The following HSD17B3 variants were observed in gnomAD, a reference collection of about 807,000 sequenced individuals.
HSD17B3 encodes hydroxysteroid 17-beta dehydrogenase 3.
HSD17B3 carries 29 observed loss-of-function variants against 41.1 expected under a neutral mutation model. The observed-to-expected ratio is 0.71, with a 90% CI of 0.53 to 0.96. The LOEUF is 0.96. HSD17B3 is among the 40% of genes least tolerant of loss of function. The pLI is 0.00. For synonymous variants in HSD17B3, 126 were observed against 145.6 expected, an observed-to-expected ratio of 0.87 and a Z score of 0.97; for missense variants, 323 against 374.6, an observed-to-expected ratio of 0.86 and a Z score of 1.14.
rs768355659 is a variant in HSD17B3, at chr9:96,240,907, C to T, written c.673G>A (p.Val225Met). The T allele has an allele frequency of 5.6e-6, 9 of 1,614,132 alleles. No homozygotes were observed. The highest frequency in any genetic ancestry group is 7.6e-6 in the Non-Finnish European group (9 of 1,180,022). The change falls in exon 10 of 11, where the codon GTG (valine) becomes ATG (methionine). Residue 225 changes from valine to methionine, a missense_variant and splice_region_variant. Transcript: ENST00000375263. ...EYKAKEVIIQ[V>M]LTPYAVSTAM... ...GTCGAGACAGCATATGGGGTCAGCA[C>T]CTACAACGGGAAACAAAGACCATGG...
chr9:96,268,808 A>G (rs1432688133), intron 2 of HSD17B3, among the ~76,000 whole-genome samples: 1 of 152,056 alleles, frequency 6.6e-6, no homozygotes, highest in Non-Finnish European at 1.5e-5. Context: ...AATTAGCTGC[A>G]CGTGGTGGTG....
At position 96,235,481 on chromosome 9, in the gene HSD17B3, C is replaced by G. The variant is rs199951343; in HGVS notation, c.912G>C (p.Lys304Asn). ...LLLTHYVAYL[K>N]LNTKVR ...CTGGCTACCTGACCTTGGTGTTGAG[C>G]TTCAGGTATGCCACATAGTGTGTCA... The change falls in exon 11 of 11, where the codon AAG becomes AAC. Residue 304 changes from lysine to asparagine, a missense_variant. Transcript: ENST00000375263. 1 of 1,613,642 alleles carries G rather than the reference C, an allele frequency of 6.2e-7. No homozygotes were observed. The highest frequency in any genetic ancestry group is 8.5e-7 in the Non-Finnish European group (1 of 1,179,672).
At chr9:96,292,295 GGA>G (rs1474870533) in intron 2 of HSD17B3, among the ~76,000 whole-genome samples, 2 of 152,166 alleles carry the variant, frequency 1.3e-5, no homozygotes, top group Non-Finnish European at 2.9e-5. Flanking sequence ...AGTGTTACAA[GGA>G]GAGAAGAGGG....
At chr9:96,248,948 C>T (rs1836784113) in intron 6 of HSD17B3, among the ~76,000 whole-genome samples, 1 of 151,798 alleles carries the variant, frequency 6.6e-6, no homozygotes, top group African/African-American at 2.4e-5. Flanking sequence ...CTCTGTCGCC[C>T]AGGCTCGACT....
In HSD17B3 at chr9:96,240,809, A is replaced by C; in HGVS notation, c.771T>G (p.Asn257Lys). The change falls in exon 10 of 11, where the codon AAT (asparagine) becomes AAG (lysine). Residue 257 changes from asparagine to lysine, a missense_variant. Asn to Lys is a moderately conservative substitution (Grantham distance 94, BLOSUM62 0). Coordinates refer to ENST00000375263, the MANE Select transcript of HSD17B3 (RefSeq NM_000197.2). ...TADEFVKESL[N>K]YVTIGGETCG... Reference sequence around the variant, plus strand: ...AGGTTTCACCTCCAATTGTGACATAATTCAATGACTCTTTGACAAACTCAT... The same window carrying C: ...AGGTTTCACCTCCAATTGTGACATACTTCAATGACTCTTTGACAAACTCAT... The C allele has an allele frequency of 6.2e-7, 1 of 1,614,206 alleles. No individual in the cohort carries two copies. Among genetic ancestry groups the C allele is most frequent in the Non-Finnish European group, 8.5e-7 (1 of 1,180,026 alleles).
intron 2 of HSD17B3, among the ~76,000 whole-genome samples, chr9:96,278,192 G>C (rs1422371846): frequency 1.3e-5 from 2 of 152,086 alleles, no homozygotes; most frequent in Non-Finnish European, 2.9e-5. Context: ...AGTTAACATA[G>C]AACATAATTA....
chr9:96,238,799 C>T (rs189471217), intron 10 of HSD17B3, among the ~76,000 whole-genome samples: 25 of 152,208 alleles, frequency 1.6e-4, no homozygotes, highest in Admixed American at 5.9e-4. Context: ...TAAGGCCTGG[C>T]GCATGAAGGA....
chr9:96,297,190 T>C (rs1206500599), intron 2 of HSD17B3, among the ~76,000 whole-genome samples: 1 of 152,140 alleles, frequency 6.6e-6, no homozygotes, highest in East Asian at 1.9e-4. Context: ...TTTTTTTCTC[T>C]TATTTGGAAT....
chr9:96,240,466 G>A (rs977188329), intron 10 of HSD17B3, among the ~76,000 whole-genome samples: 3 of 152,146 alleles, frequency 2.0e-5, no homozygotes, highest in Non-Finnish European at 4.4e-5. Context: ...CAGCCCCCAC[G>A]TGGAAGCGCC....
chr9:96,258,709 T>C (rs907852832), intron 2 of HSD17B3, among the ~76,000 whole-genome samples: 23 of 152,176 alleles, frequency 1.5e-4, no homozygotes, highest in African/African-American at 5.5e-4. Context: ...TAGGGAAAAA[T>C]TTATATCTTT....
intron 2 of HSD17B3, among the ~76,000 whole-genome samples, chr9:96,283,785 C>T (rs1440906698): frequency 6.6e-6 from 1 of 152,060 alleles, no homozygotes; most frequent in African/African-American, 2.4e-5. Context: ...AGAGCTCTAA[C>T]AAGTGCTCTT....
intron 2 of HSD17B3, among the ~76,000 whole-genome samples, chr9:96,261,049 T>A (rs1022678919): frequency 6.6e-6 from 1 of 152,214 alleles, no homozygotes; most frequent in Non-Finnish European, 1.5e-5. Flanking sequence ...TAGGTAATGC[T>A]GTGGCAACAA....
chr9:96,248,241 C>T (rs1254424317), intron 6 of HSD17B3, among the ~76,000 whole-genome samples: 2 of 152,100 alleles, frequency 1.3e-5, no homozygotes, highest in African/African-American at 4.8e-5. Flanking sequence ...TTGCTAAGCA[C>T]AAAAAGATGT....
At chr9:96,248,126 T>G (rs1836745889) in intron 6 of HSD17B3, among the ~76,000 whole-genome samples, 1 of 152,082 alleles carries the variant, frequency 6.6e-6, no homozygotes, top group African/African-American at 2.4e-5. Flanking sequence ...GACTAAAAGG[T>G]CAGTTGTAAA....
intron 2 of HSD17B3, among the ~76,000 whole-genome samples, chr9:96,255,189 G>A (rs1159376069): frequency 2.0e-5 from 3 of 151,946 alleles, no homozygotes; most frequent in South Asian, 2.1e-4. Context: ...TATTGTGTGC[G>A]GGGAACTTTT....
chr9:96,240,656 C>T, intron 10 of HSD17B3, 102 bp downstream of exon 10: 1 of 1,194,410 alleles, frequency 8.4e-7, no homozygotes, highest in Non-Finnish European at 1.2e-6. Flanking sequence ...ATTAACGCAT[C>T]AATGAGTGCT....
Position 96,254,877 on chromosome 9 carries a change from T to C in HSD17B3, c.268A>G (p.Thr90Ala), listed in dbSNP as rs778582108. ...RTLEKLEAIA[T>A]EIERTTGRSV... ...TTGGGGGGTCACTCACCGATCTCTG[T>C]GGCAATGGCCTCTAGTTTTTCCAGC... Residue 90 changes from threonine (T) to alanine (A), a missense_variant, in exon 3 of 11, where the codon ACA (threonine) becomes GCA (alanine). By Grantham distance (58) the Thr-to-Ala change is moderately conservative. Transcript: ENST00000375263. 6.2e-7 allele frequency: 1 copy of C among 1,613,936 alleles called. No homozygotes were observed. The highest frequency in any genetic ancestry group is 8.5e-7 in the Non-Finnish European group (1 of 1,179,872).
intron 2 of HSD17B3, among the ~76,000 whole-genome samples, chr9:96,274,408 C>T (rs920327960): frequency 2.0e-5 from 3 of 152,112 alleles, no homozygotes; most frequent in African/African-American, 7.2e-5. Context: ...CTGCAGTGAG[C>T]CGAGATTGCA....
At chr9:96,244,755 C>T (rs994637706) in intron 8 of HSD17B3, among the ~76,000 whole-genome samples, 5 of 152,010 alleles carry the variant, frequency 3.3e-5, no homozygotes, top group Admixed American at 3.3e-4. Context: ...AAAATATCAC[C>T]TTGCATACTA....
Sources: gnomAD v4.1 joint callset for allele counts (sites outside exome capture counted in the v4.1 genomes callset) on GRCh38, gnomAD v4.1.1 for gene constraint, MANE v1.5 for transcripts, NCBI Gene and HGNC (gene_info 2026-07-23, HGNC 2026-07-21) for gene names.